NAV2: variants seen among roughly 807,000 people sequenced by gnomAD.
The protein encoded by NAV2 is neuron navigator 2.
In NAV2, 54 loss-of-function variants were observed where a neutral mutation model predicts 223.2. The observed-to-expected ratio is 0.24, with a 90% CI of 0.19 to 0.30. NAV2 has a LOEUF of 0.30. Among genes scored for constraint, NAV2 ranks in the 10% least tolerant of loss-of-function variants. NAV2 has a pLI of 1.00. For missense variants in NAV2, 2,806 were observed against 3,147.5 expected (o/e 0.89, Z 2.60); for synonymous variants, 1,279 against 1,239.3 (o/e 1.03, Z -0.67).
chr11:19,860,757 AGGAGACTCC>A (rs1478047008), intron 3 of NAV2, among the ~76,000 whole-genome samples: 2 of 152,078 alleles, frequency 1.3e-5, no homozygotes, highest in Non-Finnish European at 2.9e-5. Context: ...CACTGAGTGA[AGGAGACTCC>A]GTCTGCAATC....
At chr11:19,657,824 T>C (rs2048170371) in intron 1 of NAV2, among the ~76,000 whole-genome samples, 3 of 152,108 alleles carry the variant, frequency 2.0e-5, no homozygotes, top group Admixed American at 2.0e-4. Flanking sequence ...GCAAGGATCC[T>C]TCACCAGGAA....
At chr11:19,927,648 G>A (rs1322453646) in intron 6 of NAV2, among the ~76,000 whole-genome samples, 1 of 151,964 alleles carries the variant, frequency 6.6e-6, no homozygotes. Flanking sequence ...GATTGCACCA[G>A]TGCACTCCAG....
At chr11:19,738,323 C>T (rs2052504957) in intron 1 of NAV2, among the ~76,000 whole-genome samples, 1 of 152,266 alleles carries the variant, frequency 6.6e-6, no homozygotes, top group African/African-American at 2.4e-5. Context: ...AGACACATGT[C>T]TGCTGAAGAC....
chr11:19,744,029 A>G (rs2053110842), intron 1 of NAV2, among the ~76,000 whole-genome samples: 1 of 152,238 alleles, frequency 6.6e-6, no homozygotes, highest in African/African-American at 2.4e-5. Flanking sequence ...GTGTTAGATA[A>G]GGTACAAGAT....
At chr11:19,605,524 T>G (rs1340432113) in intron 1 of NAV2, among the ~76,000 whole-genome samples, 2 of 148,968 alleles carry the variant, frequency 1.3e-5, no homozygotes, top group Non-Finnish European at 3.0e-5. Flanking sequence ...AAACAATTTC[T>G]AAATATTATT....
chr11:19,811,970 G>A (rs1324984453), intron 1 of NAV2, among the ~76,000 whole-genome samples: 1 of 152,130 alleles, frequency 6.6e-6, no homozygotes, highest in African/African-American at 2.4e-5. Flanking sequence ...ATGGCTTAGT[G>A]GTTCCCAGAC....
intron 11 of NAV2, among the ~76,000 whole-genome samples, chr11:20,016,721 T>G: frequency 6.6e-6 from 1 of 151,938 alleles, no homozygotes; most frequent in East Asian, 1.9e-4. Flanking sequence ...TAGGGCCAGG[T>G]GCAGTGACTC....
intron 12 of NAV2, among the ~76,000 whole-genome samples, chr11:20,037,436 A>C (rs2056498946): frequency 6.6e-6 from 1 of 150,560 alleles, no homozygotes; most frequent in Non-Finnish European, 1.5e-5. Context: ...GGAAACGTTT[A>C]ATGCCTGATG....
At chr11:19,956,396 G>GCTCTCT (rs1295110922) in intron 10 of NAV2, among the ~76,000 whole-genome samples, 7 of 148,950 alleles carry the variant, frequency 4.7e-5, no homozygotes, top group African/African-American at 7.4e-5. Context: ...ACACACACAC[G>GCTCTCT]CTCTCTCTCT....
At chr11:19,473,277 A>C (rs1243828345) in intron 1 of NAV2, among the ~76,000 whole-genome samples, 1 of 151,992 alleles carries the variant, frequency 6.6e-6, no homozygotes, top group Non-Finnish European at 1.5e-5. Context: ...AAGATAGGTC[A>C]GACATAGGCT....
intron 1 of NAV2, among the ~76,000 whole-genome samples, chr11:19,587,017 G>T (rs1394646812): frequency 1.3e-5 from 2 of 152,242 alleles, no homozygotes; most frequent in Non-Finnish European, 2.9e-5. Context: ...GAGCTGAGGT[G>T]GGCTCCACCC....
At chr11:19,490,819 A>G (rs1356948255) in intron 1 of NAV2, among the ~76,000 whole-genome samples, 1 of 152,242 alleles carries the variant, frequency 6.6e-6, no homozygotes, top group Non-Finnish European at 1.5e-5. Context: ...GCTCCATATG[A>G]GAAATCATAA....
At chr11:19,807,428 C>T (rs1023361370) in intron 1 of NAV2, among the ~76,000 whole-genome samples, 3 of 152,166 alleles carry the variant, frequency 2.0e-5, no homozygotes, top group Non-Finnish European at 4.4e-5. Flanking sequence ...AAAGCTGGGC[C>T]TTTCTTTTTT....
chr11:20,100,928 C>G lies in NAV2; in HGVS notation c.6182-9C>G, dbSNP rs376307802. On this transcript the variant is annotated splice_polypyrimidine_tract_variant and intron_variant, in intron 31 of 37. Transcript: ENST00000349880. ...GGCTTCAGATGATTCCTGTCTCTCT[C>G]AAATGCAGGGCTCGCAGAAAACAGC... 6.2e-7 allele frequency: 1 copy of G among 1,612,340 alleles called. No homozygotes were observed. The highest frequency in any genetic ancestry group is 8.5e-7 in the Non-Finnish European group (1 of 1,178,538).
At chr11:19,544,466 G>C (rs2044430976) in intron 1 of NAV2, among the ~76,000 whole-genome samples, 1 of 152,168 alleles carries the variant, frequency 6.6e-6, no homozygotes, top group African/African-American at 2.4e-5. Flanking sequence ...AGGCATCAAG[G>C]CCTGAGCTTC....
chr11:19,738,906 G>T (rs997488724), intron 1 of NAV2, among the ~76,000 whole-genome samples: 29 of 152,176 alleles, frequency 1.9e-4, no homozygotes, highest in Admixed American at 1.6e-3. Context: ...GTACCTGCTG[G>T]GAGAAGAGGC....
At chr11:19,790,709 G>C (rs2057456548) in intron 1 of NAV2, among the ~76,000 whole-genome samples, 1 of 152,128 alleles carries the variant, frequency 6.6e-6, no homozygotes, top group Admixed American at 6.5e-5. Context: ...TGTATAGTAG[G>C]CTCTGAGTAA....
intron 1 of NAV2, among the ~76,000 whole-genome samples, chr11:19,557,597 C>T (rs2044940671): frequency 6.6e-6 from 1 of 152,166 alleles, no homozygotes; most frequent in African/African-American, 2.4e-5. Context: ...ATTCTGTCTC[C>T]CAGGGGCCCT....
intron 12 of NAV2, among the ~76,000 whole-genome samples, chr11:20,040,806 C>T (rs1009241137): frequency 6.6e-6 from 1 of 152,198 alleles, no homozygotes; most frequent in African/African-American, 2.4e-5. Context: ...ATGTGGATGT[C>T]CTGTTGGCTG....
Sources: allele counts gnomAD v4.1 joint callset (sites outside exome capture counted in the v4.1 genomes callset), GRCh38; gene constraint gnomAD v4.1.1; transcripts MANE v1.5; gene names NCBI Gene and HGNC (gene_info 2026-07-23, HGNC 2026-07-21).